FHIT: variants seen among roughly 807,000 people sequenced by gnomAD.
FHIT encodes the protein fragile histidine triad diadenosine triphosphatase.
In FHIT, 19 loss-of-function variants were observed where a neutral mutation model predicts 17.9. That is an observed-to-expected ratio of 1.06 (90% CI 0.74 to 1.56). FHIT has a LOEUF of 1.56. FHIT is among the 40% of genes most tolerant of loss of function. The pLI, the probability that FHIT is intolerant of heterozygous loss-of-function variation, is 0.00. For missense variants in FHIT, 248 were observed against 189.2 expected (o/e 1.31, Z -1.82); for synonymous variants, 81 against 69.7 (o/e 1.16, Z -0.81).
At chr3:61,169,880 G>A (rs372312561) in intron 2 of FHIT, among the ~76,000 whole-genome samples, 1 of 152,164 alleles carries the variant, frequency 6.6e-6, no homozygotes, top group African/African-American at 2.4e-5. Context: ...TCAGTGGGTA[G>A]AAAACTACTA....
intron 4 of FHIT, among the ~76,000 whole-genome samples, chr3:60,778,054 C>T (rs1700265559): frequency 6.6e-6 from 1 of 152,144 alleles, no homozygotes; most frequent in South Asian, 2.1e-4. Flanking sequence ...AATTATTTGA[C>T]ATGTTTAGGT....
chr3:60,792,159 C>T (rs1398207238), intron 4 of FHIT, among the ~76,000 whole-genome samples: 2 of 152,210 alleles, frequency 1.3e-5, no homozygotes, highest in Non-Finnish European at 2.9e-5. Context: ...GACCTCCTCA[C>T]ACTCCTCTTG....
rs1313216782 is a variant in FHIT at position 61,058,802 on chromosome 3, A to T, written c.-163-16703T>A. Among the ~76,000 whole-genome samples, 9 of 152,308 alleles carry T rather than the reference A, an allele frequency of 5.9e-5. No homozygotes were observed. The East Asian group carries it at 7.7e-4, about 13-fold the overall frequency. On this transcript the variant is annotated intron_variant, in intron 2 of 9. Transcript: ENST00000492590. Reference sequence around the variant, plus strand: ...GTCTACAGAAAGAGCATAACCCAACAACCTTACATGGTAGGTACCATTATT... The same window carrying T: ...GTCTACAGAAAGAGCATAACCCAACTACCTTACATGGTAGGTACCATTATT...
At chr3:60,019,304 G>T (rs1700463720) in intron 5 of FHIT, among the ~76,000 whole-genome samples, 1 of 152,090 alleles carries the variant, frequency 6.6e-6, no homozygotes, top group South Asian at 2.1e-4. Context: ...CAGTCAAAAG[G>T]GATATGGACA....
chr3:61,057,855 A>G (rs965521899), intron 2 of FHIT, among the ~76,000 whole-genome samples: 5 of 152,212 alleles, frequency 3.3e-5, no homozygotes, highest in Non-Finnish European at 7.3e-5. Flanking sequence ...GTTCTATGCC[A>G]ACAAATGTAA....
chr3:61,032,773 T>C (rs1296637654), intron 3 of FHIT, among the ~76,000 whole-genome samples: 1 of 152,198 alleles, frequency 6.6e-6, no homozygotes, highest in Admixed American at 6.5e-5. Flanking sequence ...TAAATGTAGA[T>C]ATACAGAAAG....
At chr3:60,564,920 A>T (rs183574303) in intron 4 of FHIT, among the ~76,000 whole-genome samples, 183 of 152,270 alleles carry the variant, frequency 1.2e-3, no homozygotes, top group Non-Finnish European at 2.1e-3. Context: ...TATGAGTAAA[A>T]TGCTATTAAA....
At chr3:61,101,994 C>G (rs536270249) in intron 2 of FHIT, among the ~76,000 whole-genome samples, 1 of 152,296 alleles carries the variant, frequency 6.6e-6, no homozygotes, top group East Asian at 1.9e-4. Context: ...ATCATGTCAT[C>G]TGCAAACAGG....
intron 5 of FHIT, among the ~76,000 whole-genome samples, chr3:60,465,042 C>T (rs1248705962): frequency 1.3e-5 from 2 of 151,916 alleles, no homozygotes; most frequent in East Asian, 3.9e-4. Context: ...TTTTGCATAT[C>T]TTTTCATTAT....
chr3:60,720,743 G>T (rs1419712485), intron 4 of FHIT, among the ~76,000 whole-genome samples: 1 of 152,090 alleles, frequency 6.6e-6, no homozygotes, highest in Non-Finnish European at 1.5e-5. Flanking sequence ...TCTCACTGTG[G>T]TCTCCCAGCC....
At chr3:60,067,811 G>A (rs149049319) in intron 5 of FHIT, among the ~76,000 whole-genome samples, 153 of 152,294 alleles carry the variant, frequency 1.0e-3, no homozygotes, top group African/African-American at 3.3e-3. Flanking sequence ...AAACCAGCAC[G>A]TTCTTGTCGC....
chr3:60,050,395 C>T (rs1459172175), intron 5 of FHIT, among the ~76,000 whole-genome samples: 2 of 152,074 alleles, frequency 1.3e-5, no homozygotes, highest in Non-Finnish European at 2.9e-5. Context: ...TATAGTTTCG[C>T]CTTCCATATT....
At chr3:61,098,046 T>C (rs372313901) in intron 2 of FHIT, among the ~76,000 whole-genome samples, 7 of 152,358 alleles carry the variant, frequency 4.6e-5, no homozygotes, top group African/African-American at 1.2e-4. Context: ...CTTAATGGTA[T>C]TGCCTAGTTG....
chr3:60,885,217 AG>A (rs1553759016), intron 3 of FHIT, among the ~76,000 whole-genome samples: 1 of 152,220 alleles, frequency 6.6e-6, no homozygotes, highest in Non-Finnish European at 1.5e-5. Context: ...CCTAACACAA[AG>A]AAATGATAAA....
intron 2 of FHIT, among the ~76,000 whole-genome samples, chr3:61,104,114 G>A (rs923827426): frequency 2.0e-5 from 3 of 152,096 alleles, no homozygotes; most frequent in Non-Finnish European, 1.5e-5. Context: ...TCATCATGAT[G>A]TTAGCTGGTT....
chr3:60,223,795 G>C (rs1352039813), intron 5 of FHIT, among the ~76,000 whole-genome samples: 1 of 152,018 alleles, frequency 6.6e-6, no homozygotes, highest in Admixed American at 6.6e-5. Context: ...TAGGACCCTG[G>C]GTTTTTCTCC....
At chr3:60,322,839 A>G (rs1353547101) in intron 5 of FHIT, among the ~76,000 whole-genome samples, 1 of 152,234 alleles carries the variant, frequency 6.6e-6, no homozygotes, top group East Asian at 1.9e-4. Context: ...TGCGACGACT[A>G]TAAAAGATGA....
chr3:59,852,289 G>A (rs994730349), intron 8 of FHIT, among the ~76,000 whole-genome samples: 1 of 152,084 alleles, frequency 6.6e-6, no homozygotes, highest in African/African-American at 2.4e-5. Context: ...ATCGACAAGC[G>A]GGTGGTGTTT....
intron 5 of FHIT, among the ~76,000 whole-genome samples, chr3:60,155,826 C>A (rs1050498777): frequency 6.6e-6 from 1 of 152,186 alleles, no homozygotes. Flanking sequence ...ATCCACCCCA[C>A]TCCAACCTCC....
Sources: gnomAD v4.1 joint callset for allele counts (sites outside exome capture counted in the v4.1 genomes callset) on GRCh38, gnomAD v4.1.1 for gene constraint, MANE v1.5 for transcripts, NCBI Gene and HGNC (gene_info 2026-07-23, HGNC 2026-07-21) for gene names.